The following FRYL variants were observed in gnomAD, a reference collection of about 807,000 sequenced individuals.
FRYL encodes the protein protein furry homolog-like.
Under a neutral mutation model 351.2 loss-of-function variants are expected in FRYL, and 150 were observed. The observed-to-expected ratio is 0.43, with a 90% CI of 0.37 to 0.49. The LOEUF is 0.49. Ranked by LOEUF, FRYL falls within the 20% of genes least tolerant of loss-of-function variation. The pLI is 0.00. For synonymous variants in FRYL, 1,153 were observed against 1,257.1 expected (o/e 0.92, Z 1.75); for missense variants, 3,036 against 3,619.3 (o/e 0.84, Z 4.13).
intron 4 of FRYL, among the ~76,000 whole-genome samples, chr4:48,628,674 G>A (rs1752366124): frequency 6.6e-6 from 1 of 151,948 alleles, no homozygotes; most frequent in South Asian, 2.1e-4. Context: ...AATAGAAGGA[G>A]GATATTGAAT....
chr4:48,599,282 C>G (rs147308911), intron 13 of FRYL, among the ~76,000 whole-genome samples: 14 of 152,264 alleles, frequency 9.2e-5, no homozygotes, highest in Non-Finnish European at 1.8e-4. Flanking sequence ...AATCACTTTT[C>G]ACACAAGCAC....
Position 48,648,626 on chromosome 4 carries a change from C to G in FRYL, c.-80-14136G>C, listed in dbSNP as rs534247897. 3.3e-5 allele frequency among the ~76,000 whole-genome samples: 5 copies of G among 152,256 alleles called. No homozygotes were observed. In the East Asian group the frequency reaches 9.6e-4, roughly 29 times the overall value. ...TTTTGCTTATCTGAGCCCCAATTTA[C>G]TACTCTATAAAACAGCAATTTATCA... On this transcript the variant is annotated intron_variant, in intron 3 of 63. Transcript: ENST00000358350.
At chr4:48,685,545 T>C (rs1226872430) in intron 2 of FRYL, among the ~76,000 whole-genome samples, 3 of 152,322 alleles carry the variant, frequency 2.0e-5, no homozygotes, top group South Asian at 4.1e-4. Flanking sequence ...CTAGGCCTGA[T>C]ATTTATCACA....
chr4:48,585,469 T>C (rs372768678), intron 19 of FRYL, among the ~76,000 whole-genome samples: 61 of 152,320 alleles, frequency 4.0e-4, no homozygotes, highest in Non-Finnish European at 6.5e-4. Flanking sequence ...AACTTACACC[T>C]AAGTGATAAA....
intron 20 of FRYL, 29 bp downstream of exon 20, chr4:48,582,468 C>G (rs140321427): frequency 6.3e-6 from 9 of 1,436,416 alleles, no homozygotes; most frequent in Non-Finnish European, 8.8e-6. Flanking sequence ...TGACCACATA[C>G]AAAAGGACAA....
At chr4:48,632,073 A>AT (rs1753105179) in intron 4 of FRYL, among the ~76,000 whole-genome samples, 1 of 32,538 alleles carries the variant, frequency 3.1e-5, no homozygotes, top group Non-Finnish European at 6.5e-5. Flanking sequence ...AAAAAAAAAA[A>AT]AAAAAAAAAA....
Position 48,609,029 on chromosome 4 carries a change from G to T in FRYL, c.530C>A (p.Ala177Asp). The T allele has an allele frequency of 6.2e-7, 1 of 1,608,754 alleles. No individual in the cohort carries two copies. Among genetic ancestry groups the T allele is most frequent in the Non-Finnish European group, 8.5e-7 (1 of 1,175,744 alleles). The change falls in exon 9 of 64, where the codon GCT becomes GAT. Residue 177 changes from alanine to aspartate, a missense_variant. By Grantham distance (126) the Ala-to-Asp change is moderately radical. Around this residue, in one of 7 missense-constraint regions of FRYL, gnomAD observed 457 missense variants for 566.6 expected, o/e 0.81. Transcript: ENST00000358350. ...GTNTGNVHIIADLYAEVIGVL... is the reference protein window; with the variant it reads ...GTNTGNVHIIDDLYAEVIGVL... ...CCCTATCACCTCTGCATATAAATCA[G>T]CAATAATATGCACATTCCCAGTGTT...
At chr4:48,631,368 TTAAC>T (rs2149357481) in intron 4 of FRYL, among the ~76,000 whole-genome samples, 1 of 152,256 alleles carries the variant, frequency 6.6e-6, no homozygotes, top group South Asian at 2.1e-4. Context: ...AATAAATGAA[TTAAC>T]TAATAAGATA....
chr4:48,697,101 AT>A (rs1481396630), intron 2 of FRYL, among the ~76,000 whole-genome samples: 1 of 152,158 alleles, frequency 6.6e-6, no homozygotes, highest in African/African-American at 2.4e-5. Context: ...AAGACTTGGA[AT>A]TTTAAACCAC....
At chr4:48,504,344 A>G (rs547597937) in intron 60 of FRYL, among the ~76,000 whole-genome samples, 1 of 152,268 alleles carries the variant, frequency 6.6e-6, no homozygotes, top group East Asian at 1.9e-4. Flanking sequence ...CACTTCGTAG[A>G]AAACCTCAAG....
chr4:48,768,310 A>T (rs1560376862), intron 1 of FRYL, among the ~76,000 whole-genome samples: 4 of 152,256 alleles, frequency 2.6e-5, no homozygotes. Context: ...CAGATTACGC[A>T]TAATATTAAT....
rs753766645 is a variant in FRYL, at chr4:48,547,736, T to C, written c.4922A>G (p.His1641Arg). ...TAAGTGCAGAAGCAGGCGTTTACAA[T>C]GTTCATACACCTCAGGGTGGCAGTG... ...FDHCHPEVYE[H>R]CKRLLLHLLI... is the part of the protein sequence containing the mutation. Residue 1641 changes from histidine (H) to arginine (R), a missense_variant, in exon 41 of 64, where the codon CAT (histidine) becomes CGT (arginine). Transcript: ENST00000358350. 5 of 1,572,826 alleles carry C rather than the reference T, an allele frequency of 3.2e-6. No individual in the cohort carries two copies. The highest frequency in any genetic ancestry group is 4.3e-6 in the Non-Finnish European group (5 of 1,153,172).
At chr4:48,505,407 G>T in intron 60 of FRYL, 140 bp downstream of exon 60, 4 of 650,502 alleles carry the variant, frequency 6.1e-6, no homozygotes, top group Non-Finnish European at 1.1e-5. Context: ...CTTTTACAAA[G>T]ATTGTTTTGA....
chr4:48,544,816 G>A lies in FRYL; in HGVS notation c.5368C>T (p.His1790Tyr). 1 of 1,605,258 alleles carries A rather than the reference G, an allele frequency of 6.2e-7. No homozygotes were observed. The highest frequency in any genetic ancestry group is 8.5e-7 in the Non-Finnish European group (1 of 1,176,764). ...GACTGCTTAAAAACAGAAACCACAT[G>A]TTTCAAAAATGTAGTTAACTGTTCA... The part of the protein sequence containing the change: ...SAEQLTTFLK[H>Y]VVSVFKQSSS... Residue 1790 changes from histidine (H) to tyrosine (Y), a missense_variant, in exon 43 of 64, where the codon CAT becomes TAT. His to Tyr is a moderately conservative substitution (Grantham distance 83). Coordinates refer to ENST00000358350, the MANE Select transcript of FRYL (RefSeq NM_015030.2).
intron 3 of FRYL, among the ~76,000 whole-genome samples, chr4:48,675,774 A>G (rs1487056039): frequency 6.6e-6 from 1 of 152,222 alleles, no homozygotes; most frequent in East Asian, 1.9e-4. Flanking sequence ...GCCCCTGTGC[A>G]GGATCCACTA....
At chr4:48,569,054 G>C (rs1457498959) in intron 27 of FRYL, among the ~76,000 whole-genome samples, 2 of 151,948 alleles carry the variant, frequency 1.3e-5, no homozygotes, top group South Asian at 2.1e-4. Context: ...TACACAACTG[G>C]GTTCAAAAAT....
chr4:48,616,311 G>C (rs1418493801), intron 7 of FRYL, among the ~76,000 whole-genome samples: 1 of 151,858 alleles, frequency 6.6e-6, no homozygotes, highest in Non-Finnish European at 1.5e-5. Flanking sequence ...AGAAAATTTG[G>C]AGTAAAATCA....
At chr4:48,608,735 G>A (rs754344978) in intron 9 of FRYL, among the ~76,000 whole-genome samples, 2 of 152,138 alleles carry the variant, frequency 1.3e-5, no homozygotes, top group African/African-American at 4.8e-5. Flanking sequence ...TCCTAAATAT[G>A]GTTGGCAATT....
intron 57 of FRYL, among the ~76,000 whole-genome samples, chr4:48,511,206 A>G (rs1388825615): frequency 6.6e-6 from 1 of 152,226 alleles, no homozygotes; most frequent in African/African-American, 2.4e-5. Flanking sequence ...TGAAAAAATG[A>G]TATATGCCAT....
Sources: gnomAD v4.1 joint callset for allele counts (sites outside exome capture counted in the v4.1 genomes callset) on GRCh38, gnomAD v4.1.1 for gene constraint, gnomAD v4.1.1 regional missense constraint, MANE v1.5 for transcripts, NCBI Gene and HGNC (gene_info 2026-07-23, HGNC 2026-07-21) for gene names.